Variants in IPO11 observed in about 807,000 individuals in gnomAD.
IPO11 encodes importin-11.
IPO11 carries 66 observed loss-of-function variants against 143.2 expected under a neutral mutation model. The observed-to-expected ratio is 0.46, with a 90% CI of 0.38 to 0.57. The LOEUF (loss-of-function observed/expected upper bound fraction) is 0.57, where lower values mean the gene tolerates loss of function less well. Among genes scored for constraint, IPO11 ranks in the 20% least tolerant of loss-of-function variants. The probability of loss-of-function intolerance (pLI) is 0.00; values close to 1 mark genes in which losing one functional copy is unlikely to be tolerated. For synonymous variants in IPO11, 385 were observed against 377.8 expected (o/e 1.02, Z -0.22); for missense variants, 1,026 against 1,141.0 (o/e 0.90, Z 1.45).
intron 12 of IPO11, among the ~76,000 whole-genome samples, chr5:62,485,830 A>AAAAAAAAAAAAC (rs1746378035): frequency 6.6e-6 from 1 of 150,904 alleles, no homozygotes; most frequent in Non-Finnish European, 1.5e-5. Flanking sequence ...AGCCTGGATT[A>AAAAAAAAAAAAC]CAAAGCAAAA....
intron 2 of IPO11, among the ~76,000 whole-genome samples, chr5:62,442,123 C>T (rs764614238): frequency 3.3e-5 from 5 of 152,160 alleles, no homozygotes; most frequent in Non-Finnish European, 7.3e-5. Flanking sequence ...GGATTACAGG[C>T]GTGAGCTACC....
chr5:62,490,240 T>C lies in IPO11; in HGVS notation c.1463+20T>C, dbSNP rs370329294. 8.4e-6 allele frequency: 12 copies of C among 1,426,914 alleles called. No homozygotes were observed. The African/African-American group carries it at 1.7e-4, about 21-fold the overall frequency. 88.4% of individuals were successfully genotyped at this position (1,426,914 alleles called of 1,614,324 possible). A position where few individuals can be genotyped will look rare whatever the true frequency, so the allele number is the denominator to read the frequency against. The stretch of plus-strand genomic sequence containing the variant: ...CAATAGGCAAGTATAAAATTTTATA[T>C]TTATTATACACTTACTTTACCTTAT... On this transcript the variant is annotated intron_variant, in intron 15 of 29. Coordinates refer to ENST00000325324, the MANE Select transcript of IPO11 (RefSeq NM_016338.5).
chr5:62,528,386 AG>A (rs1742434517), intron 21 of IPO11, among the ~76,000 whole-genome samples: 1 of 152,222 alleles, frequency 6.6e-6, no homozygotes, highest in East Asian at 1.9e-4. Flanking sequence ...AATGAATTGA[AG>A]GTAAGTCCAT....
chr5:62,586,785 ATATATATATATATATATT>A, intron 27 of IPO11, among the ~76,000 whole-genome samples: 1 of 136,964 alleles, frequency 7.3e-6, no homozygotes, highest in South Asian at 2.3e-4. Flanking sequence ...ATATATATAT[ATATATATATATATATATT>A]CATGATTACC....
At chr5:62,416,863 C>A (rs963117345) in intron 1 of IPO11, among the ~76,000 whole-genome samples, 3 of 151,734 alleles carry the variant, frequency 2.0e-5, no homozygotes, top group African/African-American at 7.3e-5. Flanking sequence ...TGGCTGGGAC[C>A]ACAGGTGAGG....
chr5:62,471,908 T>C (rs1745783402), intron 7 of IPO11, among the ~76,000 whole-genome samples: 1 of 152,318 alleles, frequency 6.6e-6, no homozygotes, highest in South Asian at 2.1e-4. Context: ...TTAGGATAAA[T>C]TCCTAGAATT....
intron 1 of IPO11, among the ~76,000 whole-genome samples, chr5:62,416,715 C>CTTTTTTTTTTTTTTTTTTTT (rs11295932): frequency 6.9e-6 from 1 of 144,138 alleles, no homozygotes. Context: ...CTCTTATTAT[C>CTTTTTTTTTTTTTTTTTTTT]TTTTTTTTTT....
intron 9 of IPO11, among the ~76,000 whole-genome samples, chr5:62,478,067 C>T (rs566905274): frequency 6.6e-6 from 1 of 152,054 alleles, no homozygotes; most frequent in Non-Finnish European, 1.5e-5. Flanking sequence ...CTTTCCCCTC[C>T]CACCCTTGCT....
intron 26 of IPO11, among the ~76,000 whole-genome samples, chr5:62,553,513 G>T (rs541273917): frequency 1.6e-4 from 25 of 152,252 alleles, no homozygotes; most frequent in African/African-American, 5.5e-4. Context: ...ATATCCAGTA[G>T]TGAGATTGCT....
chr5:62,513,777 C>A lies in IPO11; in HGVS notation c.1783-1611C>A, dbSNP rs1239683400. Among the ~76,000 whole-genome samples, 5 of 148,716 alleles carry A rather than the reference C, an allele frequency of 3.4e-5. No individual in the cohort carries two copies. In the South Asian group the frequency reaches 1.1e-3, roughly 32 times the overall value. On this transcript the variant is annotated intron_variant, in intron 19 of 29. Transcript: ENST00000325324. ...GGACGGGGTGGCTGCCAGGCGGAGA[C>A]GCTCCTCACTTCCCAGACGGGGTGG...
chr5:62,461,560 A>T (rs183156231), intron 5 of IPO11, among the ~76,000 whole-genome samples: 1 of 152,214 alleles, frequency 6.6e-6, no homozygotes, highest in Non-Finnish European at 1.5e-5. Context: ...CATTCCAGCC[A>T]TTTGTGTAGA....
chr5:62,525,645 A>G (rs994815457), intron 20 of IPO11, among the ~76,000 whole-genome samples: 8 of 152,198 alleles, frequency 5.3e-5, no homozygotes, highest in African/African-American at 1.2e-4. Context: ...TGGCCTCCCA[A>G]TGAGTTGGGA....
chr5:62,427,229 C>T (rs370495966), intron 1 of IPO11, among the ~76,000 whole-genome samples: 3 of 151,918 alleles, frequency 2.0e-5, no homozygotes, highest in East Asian at 1.9e-4. Context: ...CGTGAGCCAC[C>T]GTGCCCTCCA....
intron 27 of IPO11, among the ~76,000 whole-genome samples, chr5:62,588,005 C>T (rs1338551659): frequency 6.6e-6 from 1 of 152,154 alleles, no homozygotes; most frequent in Non-Finnish European, 1.5e-5. Flanking sequence ...AATCACTATG[C>T]AGGAGTCACT....
intron 5 of IPO11, among the ~76,000 whole-genome samples, chr5:62,461,927 C>T (rs369787165): frequency 4.6e-5 from 7 of 152,140 alleles, no homozygotes; most frequent in African/African-American, 1.7e-4. Flanking sequence ...CCTTGAGCAT[C>T]GTGCTGGTAC....
chr5:62,580,770 G>A, intron 27 of IPO11: 1 of 1,551,358 alleles, frequency 6.4e-7, no homozygotes, highest in Non-Finnish European at 8.7e-7. Context: ...GCAGTCCTCT[G>A]GAAAATACTG....
At chr5:62,595,528 T>C (rs572591411) in intron 28 of IPO11, among the ~76,000 whole-genome samples, 1 of 152,260 alleles carries the variant, frequency 6.6e-6, no homozygotes, top group African/African-American at 2.4e-5. Context: ...TGGAAAAAAA[T>C]GGAAATGGGC....
chr5:62,616,539 G>A (rs1280779938), intron 29 of IPO11, among the ~76,000 whole-genome samples: 1 of 151,846 alleles, frequency 6.6e-6, no homozygotes, highest in Admixed American at 6.6e-5. Flanking sequence ...GGCCACCATG[G>A]TGTGACCCCA....
At chr5:62,469,289 T>C (rs1250100403) in intron 6 of IPO11, among the ~76,000 whole-genome samples, 1 of 152,192 alleles carries the variant, frequency 6.6e-6, no homozygotes, top group South Asian at 2.1e-4. Context: ...ATCGTTATGA[T>C]GCAGCAACTT....
Sources: allele counts gnomAD v4.1 joint callset (sites outside exome capture counted in the v4.1 genomes callset), GRCh38; gene constraint gnomAD v4.1.1; transcripts MANE v1.5; gene names NCBI Gene and HGNC (gene_info 2026-07-23, HGNC 2026-07-21).